The following PRKN variants were observed in gnomAD, a reference collection of about 807,000 sequenced individuals.
PRKN encodes the protein E3 ubiquitin-protein ligase parkin.
In PRKN, 56 loss-of-function variants were observed where a neutral mutation model predicts 59.5. The ratio of observed to expected loss-of-function variants is 0.94; its 90% confidence interval spans 0.76 to 1.18. PRKN has a LOEUF of 1.18. PRKN is among the 50% of genes most tolerant of loss of function. The pLI, the probability that PRKN is intolerant of heterozygous loss-of-function variation, is 0.00. For synonymous variants in PRKN, 250 were observed against 222.1 expected (o/e 1.13, Z -1.12); for missense variants, 657 against 596.4 (o/e 1.10, Z -1.06).
chr6:162,268,007 A>G (rs541461150), intron 2 of PRKN, among the ~76,000 whole-genome samples: 1 of 152,344 alleles, frequency 6.6e-6, no homozygotes, highest in African/African-American at 2.4e-5. Flanking sequence ...TGAGATTCTA[A>G]AATTGTTAAC....
At chr6:161,507,554 A>G (rs1026218301) in intron 9 of PRKN, among the ~76,000 whole-genome samples, 8 of 152,134 alleles carry the variant, frequency 5.3e-5, no homozygotes, top group Non-Finnish European at 1.5e-5. Flanking sequence ...GAAGTTCCAG[A>G]CAGCTGCTGG....
chr6:161,998,009 T>C (rs1258103401), intron 5 of PRKN, among the ~76,000 whole-genome samples: 1 of 152,126 alleles, frequency 6.6e-6, no homozygotes, highest in Non-Finnish European at 1.5e-5. Flanking sequence ...ATGGTTTATA[T>C]GGCAATAATG....
intron 1 of PRKN, among the ~76,000 whole-genome samples, chr6:162,599,753 C>T (rs1173998999): frequency 2.0e-5 from 3 of 152,146 alleles, no homozygotes; most frequent in Non-Finnish European, 2.9e-5. Context: ...GCAGAATTCA[C>T]GCTCACTGTT....
At chr6:162,384,466 G>C (rs1301671680) in intron 2 of PRKN, among the ~76,000 whole-genome samples, 1 of 151,888 alleles carries the variant, frequency 6.6e-6, no homozygotes, top group East Asian at 1.9e-4. Context: ...GCAGTTCATC[G>C]CACTCCAAAA....
intron 1 of PRKN, among the ~76,000 whole-genome samples, chr6:162,656,875 C>A (rs1778664401): frequency 6.6e-6 from 1 of 152,172 alleles, no homozygotes; most frequent in Admixed American, 6.5e-5. Flanking sequence ...CAATCCCAGG[C>A]ACCCACCCTC....
At position 161,457,116 on chromosome 6, in the gene PRKN, G is replaced by A. The variant is rs867073741; in HGVS notation, c.1084-70239C>T. 1.4e-4 allele frequency among the ~76,000 whole-genome samples: 22 copies of A among 152,170 alleles called. No individual in the cohort carries two copies. Among genetic ancestry groups the A allele is most frequent in the African/African-American group, 3.4e-4 (14 of 41,436 alleles). On this transcript the variant is annotated intron_variant, in intron 9 of 11. Transcript: ENST00000366898. The surrounding 1 kb of genome is among the most constrained non-coding windows in gnomAD (Gnocchi z 5.0). Reference sequence around the variant, plus strand: ...GCTACGCAAGGCTCTCTTCCAGACCGCTTGGTTCTTTGGAGTCCAGGAGTT... The same window carrying A: ...GCTACGCAAGGCTCTCTTCCAGACCACTTGGTTCTTTGGAGTCCAGGAGTT...
intron 2 of PRKN, among the ~76,000 whole-genome samples, chr6:162,353,088 T>C (rs540073798): frequency 6.6e-6 from 1 of 152,156 alleles, no homozygotes; most frequent in Non-Finnish European, 1.5e-5. Context: ...ACTGCAAATG[T>C]TTTTAGAAGT....
chr6:162,048,326 A>AC (rs1012365767), intron 5 of PRKN, among the ~76,000 whole-genome samples: 13 of 151,830 alleles, frequency 8.6e-5, no homozygotes, highest in African/African-American at 3.1e-4. Flanking sequence ...TTGAGTAAAT[A>AC]CCCCCATCCT....
intron 4 of PRKN, among the ~76,000 whole-genome samples, chr6:162,124,266 A>G (rs894209754): frequency 1.4e-4 from 22 of 152,134 alleles, no homozygotes; most frequent in African/African-American, 5.1e-4. Flanking sequence ...GCATGTCTCA[A>G]TTCCCTTAAT....
chr6:161,869,027 A>C (rs1159203194), intron 6 of PRKN, among the ~76,000 whole-genome samples: 1 of 152,214 alleles, frequency 6.6e-6, no homozygotes, highest in African/African-American at 2.4e-5. Flanking sequence ...ACTGGAACTA[A>C]ACCACATTTT....
intron 7 of PRKN, among the ~76,000 whole-genome samples, chr6:161,777,929 T>G (rs1344135493): frequency 6.7e-6 from 1 of 148,948 alleles, no homozygotes; most frequent in Non-Finnish European, 1.5e-5. Context: ...TGTATGTATA[T>G]CTAGTTAACA....
chr6:161,709,993 C>T (rs1040228567), intron 7 of PRKN, among the ~76,000 whole-genome samples: 3 of 152,104 alleles, frequency 2.0e-5, no homozygotes, highest in African/African-American at 7.2e-5. Context: ...ATGGAGATTT[C>T]AGTGAGCTTT....
At chr6:162,384,018 C>G (rs943716785) in intron 2 of PRKN, among the ~76,000 whole-genome samples, 2 of 152,198 alleles carry the variant, frequency 1.3e-5, no homozygotes, top group Non-Finnish European at 2.9e-5. Flanking sequence ...TGAATCAGGT[C>G]TTGGCTCAAT....
chr6:162,569,803 C>T (rs534933889), intron 1 of PRKN: 31 of 465,890 alleles, frequency 6.7e-5, no homozygotes, highest in Admixed American at 1.0e-4. Context: ...TGCTGTGCAG[C>T]GGAGCACAGG....
chr6:162,560,859 A>AAAAAAAAAAAAC (rs1274512897), intron 1 of PRKN, among the ~76,000 whole-genome samples: 2 of 150,408 alleles, frequency 1.3e-5, no homozygotes, highest in African/African-American at 4.9e-5. Flanking sequence ...GAGGCAAAAA[A>AAAAAAAAAAAAC]AAAAAAAACC....
intron 2 of PRKN, among the ~76,000 whole-genome samples, chr6:162,307,875 A>G (rs1452372881): frequency 6.6e-6 from 1 of 152,234 alleles, no homozygotes; most frequent in African/African-American, 2.4e-5. Context: ...TATTGTTAAT[A>G]CATTGTGAGA....
At chr6:162,103,042 CAAA>C (rs1163020488) in intron 4 of PRKN, among the ~76,000 whole-genome samples, 7 of 54,310 alleles carry the variant, frequency 1.3e-4, no homozygotes, top group East Asian at 5.9e-4. Context: ...GACTCTGTCT[CAAA>C]AAAAAAAAAA....
In PRKN at chr6:162,246,062, C is replaced by T. The variant is rs566076793; in HGVS notation, c.412+16463G>A. The stretch of plus-strand genomic sequence containing the variant: ...GCTATAAATTCTCTACATGGCTTTG[C>T]GTCTACATATCTGTAATTCACAAAA... On this transcript the variant is annotated intron_variant, in intron 3 of 11. Transcript: ENST00000366898. Among the ~76,000 whole-genome samples, 216 of 152,188 alleles carry T rather than the reference C, an allele frequency of 1.4e-3. 1 individual carries two copies. Among genetic ancestry groups the T allele is most frequent in the African/African-American group, 4.7e-3 (197 of 41,524 alleles).
intron 1 of PRKN, among the ~76,000 whole-genome samples, chr6:162,509,840 G>A (rs894418885): frequency 6.6e-6 from 1 of 152,186 alleles, no homozygotes; most frequent in African/African-American, 2.4e-5. Flanking sequence ...CACTCCTGCT[G>A]GAAGCTAGCT....
Sources: gnomAD v4.1 joint callset for allele counts (sites outside exome capture counted in the v4.1 genomes callset) on GRCh38, gnomAD v4.1.1 for gene constraint, Gnocchi (gnomAD v3.1) non-coding constraint, MANE v1.5 for transcripts, NCBI Gene and HGNC (gene_info 2026-07-23, HGNC 2026-07-21) for gene names.